The following RAB1A variants were observed in gnomAD, a reference collection of about 807,000 sequenced individuals.
The protein encoded by RAB1A is ras-related protein Rab-1A.
Under a neutral mutation model 26.0 loss-of-function variants are expected in RAB1A, and 2 were observed. The observed-to-expected ratio is 0.08, with a 90% CI of 0.03 to 0.24. The LOEUF is 0.24. Ranked by LOEUF, RAB1A falls within the 10% of genes least tolerant of loss-of-function variation. RAB1A has a pLI of 1.00. For missense variants in RAB1A, 100 were observed against 247.0 expected (o/e 0.40, Z 3.99); for synonymous variants, 84 against 84.9 (o/e 0.99, Z 0.06).
At chr2:65,093,480 C>A (rs571518121) in intron 3 of RAB1A, among the ~76,000 whole-genome samples, 1 of 151,772 alleles carries the variant, frequency 6.6e-6, no homozygotes, top group East Asian at 1.9e-4. Flanking sequence ...AGATGTCACA[C>A]CTGAACAGGA....
intron 3 of RAB1A, among the ~76,000 whole-genome samples, chr2:65,091,290 G>C (rs143795481): frequency 6.6e-6 from 1 of 152,104 alleles, no homozygotes; most frequent in Non-Finnish European, 1.5e-5. Flanking sequence ...TTGAGCTTAC[G>C]ATAATAATAC....
chr2:65,096,345 T>C (rs1669284284), intron 3 of RAB1A, among the ~76,000 whole-genome samples: 1 of 151,940 alleles, frequency 6.6e-6, no homozygotes, highest in South Asian at 2.1e-4. Flanking sequence ...AACAAAATGT[T>C]CAAAATGAGG....
intron 1 of RAB1A, among the ~76,000 whole-genome samples, chr2:65,110,414 C>T (rs1669668032): frequency 7.2e-6 from 1 of 139,004 alleles, no homozygotes; most frequent in Non-Finnish European, 1.5e-5. Context: ...GCACTCCAGC[C>T]TGGGCAGCAG....
Position 65,102,238 on chromosome 2 carries a change from T to C in RAB1A, c.96+2496A>G, listed in dbSNP as rs972390875. ...TGTGCCTGTGATAAATTAATTTTAA[T>C]AGTCAAATTTAGCAGTGATTTCTTG... On this transcript the variant is annotated intron_variant, in intron 2 of 5. Transcript: ENST00000409784. 1.2e-4 allele frequency among the ~76,000 whole-genome samples: 19 copies of C among 152,186 alleles called. 1 individual carries two copies.
chr2:65,092,464 G>GT (rs1448409024), intron 3 of RAB1A, among the ~76,000 whole-genome samples: 3 of 152,166 alleles, frequency 2.0e-5, no homozygotes, highest in African/African-American at 7.2e-5. Context: ...AGCTAAAGGG[G>GT]TTTAAATGAA....
In RAB1A at chr2:65,129,931, GCCGCCGCCA is replaced by G. The variant is rs764682089; in HGVS notation, c.-25_-17del. On this transcript the variant is annotated 5_prime_UTR_variant, in exon 1 of 6. Transcript: ENST00000409784. ...TGCTGGACATGTCACTGCAGCTGCCGCCGCCGCCACCGCCGCCCTTGCTGCCGCAGCCGC... is the reference window on the plus strand; with the variant it reads ...TGCTGGACATGTCACTGCAGCTGCCGCCGCCGCCCTTGCTGCCGCAGCCGC... 1 of 1,584,290 alleles carries G rather than the reference GCCGCCGCCA, an allele frequency of 6.3e-7. No homozygotes were observed. The highest frequency in any genetic ancestry group is 1.1e-5 in the South Asian group (1 of 86,996).
intron 2 of RAB1A, among the ~76,000 whole-genome samples, chr2:65,103,393 A>C (rs1203228826): frequency 6.6e-6 from 1 of 152,136 alleles, no homozygotes; most frequent in African/African-American, 2.4e-5. Flanking sequence ...TTCAAAAATT[A>C]ATCATTTTAA....
chr2:65,129,069 C>A (rs893542968), intron 1 of RAB1A, among the ~76,000 whole-genome samples: 1 of 151,972 alleles, frequency 6.6e-6, no homozygotes, highest in African/African-American at 2.4e-5. Context: ...ATCATAGGTC[C>A]CGTTCGTTTC....
Position 65,087,061 on chromosome 2 carries a change from CA to C in RAB1A, c.*1431del, listed in dbSNP as rs985625202. On this transcript the variant is annotated 3_prime_UTR_variant, in exon 6 of 6. Coordinates refer to ENST00000409784, the MANE Select transcript of RAB1A (RefSeq NM_004161.5). The stretch of plus-strand genomic sequence containing the variant: ...TATCATTAAATTAAGGAGCCCACAA[CA>C]AAATGTGTTGCCAGCAGCCATATCC... The C allele has an allele frequency of 8.7e-4, 132 of 152,260 alleles. No individual in the cohort carries two copies. Among genetic ancestry groups the C allele is most frequent in the Middle Eastern group, 3.4e-3 (1 of 294 alleles). The allele number at this position is 152,260 out of a possible 1,614,324, so 9.4% of individuals were successfully genotyped here. A position where few individuals can be genotyped will look rare whatever the true frequency, so the allele number is the denominator to read the frequency against.
chr2:65,091,262 A>G (rs1364069750), intron 3 of RAB1A, among the ~76,000 whole-genome samples, 184 bp from the exon 4 acceptor site: 1 of 152,200 alleles, frequency 6.6e-6, no homozygotes, highest in Non-Finnish European at 1.5e-5. Context: ...AAGTCCAGAA[A>G]AGAAGTAGTA....
intron 1 of RAB1A, among the ~76,000 whole-genome samples, chr2:65,112,603 C>T (rs564890187): frequency 4.1e-4 from 63 of 152,184 alleles, no homozygotes; most frequent in African/African-American, 1.4e-3. Context: ...TTTTATAATA[C>T]TACGAGCAGA....
chr2:65,100,322 A>C (rs1573070677), intron 2 of RAB1A, among the ~76,000 whole-genome samples: 1 of 146,834 alleles, frequency 6.8e-6, no homozygotes, highest in Non-Finnish European at 1.5e-5. Flanking sequence ...AATCACTTGA[A>C]CCCGGGAGGT....
chr2:65,093,194 A>G (rs557934182), intron 3 of RAB1A, among the ~76,000 whole-genome samples: 37 of 152,312 alleles, frequency 2.4e-4, no homozygotes, highest in South Asian at 1.0e-3. Context: ...AAATCCTAAC[A>G]GTACTAACAA....
At chr2:65,091,309 C>T (rs535983237) in intron 3 of RAB1A, among the ~76,000 whole-genome samples, 1 of 152,244 alleles carries the variant, frequency 6.6e-6, no homozygotes, top group South Asian at 2.1e-4. Context: ...ACTAAAATTA[C>T]AAGCTGTTGA....
At chr2:65,123,810 A>T (rs758153081) in intron 1 of RAB1A, among the ~76,000 whole-genome samples, 3 of 151,596 alleles carry the variant, frequency 2.0e-5, no homozygotes, top group African/African-American at 7.3e-5. Flanking sequence ...ACAAAGTGAG[A>T]CTCTGTCTCA....
chr2:65,130,106 T>C lies in RAB1A; in HGVS notation c.-191A>G, dbSNP rs1670204482. ...ACTCAGCTATCGCTTCCACCCAAAA[T>C]GGCCGCCGGCGAACCAGGAAATAGG... On this transcript the variant is annotated 5_prime_UTR_variant, in exon 1 of 6. Transcript: ENST00000409784. 1 of 687,496 alleles carries C rather than the reference T, an allele frequency of 1.5e-6. No individual in the cohort carries two copies. The highest frequency in any genetic ancestry group is 2.5e-6 in the Non-Finnish European group (1 of 394,694). The allele number at this position is 687,496 out of a possible 1,614,324, so 42.6% of individuals were successfully genotyped here. A position where few individuals can be genotyped will look rare whatever the true frequency, so the allele number is the denominator to read the frequency against.
In RAB1A at chr2:65,087,058, C is replaced by A. The variant is rs191217466; in HGVS notation, c.*1435G>T. ...TTTTATCATTAAATTAAGGAGCCCACAACAAAATGTGTTGCCAGCAGCCAT... is the reference window on the plus strand; with the variant it reads ...TTTTATCATTAAATTAAGGAGCCCAAAACAAAATGTGTTGCCAGCAGCCAT... On this transcript the variant is annotated 3_prime_UTR_variant, in exon 6 of 6. Coordinates refer to ENST00000409784, the MANE Select transcript of RAB1A (RefSeq NM_004161.5). The A allele has an allele frequency of 1.3e-5, 2 of 152,244 alleles. No homozygotes were observed. The highest frequency in any genetic ancestry group is 1.9e-4 in the East Asian group (1 of 5,188). 9.4% of individuals were successfully genotyped at this position (152,244 alleles called of 1,614,324 possible).
chr2:65,115,594 T>C (rs1418392448), intron 1 of RAB1A, among the ~76,000 whole-genome samples: 1 of 152,132 alleles, frequency 6.6e-6, no homozygotes, highest in Non-Finnish European at 1.5e-5. Flanking sequence ...AATTAAACAA[T>C]CCTTCAGCTG....
At chr2:65,102,398 CCTT>C (rs1252460976) in intron 2 of RAB1A, among the ~76,000 whole-genome samples, 2 of 151,810 alleles carry the variant, frequency 1.3e-5, no homozygotes, top group Non-Finnish European at 2.9e-5. Context: ...TTTTAAATAA[CCTT>C]CATTAATATC....
Sources: gnomAD v4.1 joint callset for allele counts (sites outside exome capture counted in the v4.1 genomes callset) on GRCh38, gnomAD v4.1.1 for gene constraint, MANE v1.5 for transcripts, NCBI Gene and HGNC (gene_info 2026-07-23, HGNC 2026-07-21) for gene names.